Variants in NUPR2 observed in about 807,000 individuals in gnomAD.
The protein encoded by NUPR2 is nuclear protein 2, transcriptional regulator, also known as nuclear protein 2.
NUPR2 carries 14 observed loss-of-function variants against 7.3 expected under a neutral mutation model. The observed-to-expected ratio is 1.93, with a 90% CI of 1.27 to 3.01. The LOEUF (loss-of-function observed/expected upper bound fraction) is 3.01, where lower values mean the gene tolerates loss of function less well. NUPR2 is among the 30% of genes most tolerant of loss of function. The pLI is 0.00. For synonymous variants in NUPR2, 56 were observed against 59.7 expected (o/e 0.94, Z 0.29); for missense variants, 162 against 143.7 (o/e 1.13, Z -0.65).
chr7:56,115,405 A>ATATATATACATATGTG (rs1420989754), intron 1 of NUPR2, among the ~76,000 whole-genome samples: 1 of 35,198 alleles, frequency 2.8e-5, no homozygotes, highest in African/African-American at 1.8e-4. Flanking sequence ...ATATATATAT[A>ATATATATACATATGTG]TATATATATA....
In NUPR2 at chr7:56,116,145, G is replaced by C; in HGVS notation, c.170C>G (p.Ala57Gly). 6.5e-7 allele frequency: 1 copy of C among 1,546,552 alleles called. No individual in the cohort carries two copies. The highest frequency in any genetic ancestry group is 8.7e-7 in the Non-Finnish European group (1 of 1,145,136). ...RSKGRTRREQ[A>G]LRTNWPAPGG... The stretch of plus-strand genomic sequence containing the variant: ...AGGTGCAGGCCAGTTGGTGCGCAGC[G>C]CCTGCTCGCGCCGAGTCCGGCCCTT... The change falls in exon 1 of 2, where the codon GCG (alanine) becomes GGG (glycine). Residue 57 changes from alanine to glycine, a missense_variant. Coordinates refer to ENST00000329309, the MANE Select transcript of NUPR2 (RefSeq NM_001145712.2).
At chr7:56,115,293 A>G (rs186270051) in intron 1 of NUPR2, among the ~76,000 whole-genome samples, 3 of 135,024 alleles carry the variant, frequency 2.2e-5, no homozygotes, top group Non-Finnish European at 4.8e-5. Context: ...ACCTGCATCT[A>G]TTTTTTTTAG....
In NUPR2 at chr7:56,115,433, G is replaced by GTATATATATATATATA. The variant is rs1562891882; in HGVS notation, c.*7-537_*7-536insTATATATATATATATA. Among the ~76,000 whole-genome samples the GTATATATATATATATA allele has an allele frequency of 2.2e-3, 26 of 11,738 alleles. 3 individuals are homozygous for GTATATATATATATATA. Among genetic ancestry groups the GTATATATATATATATA allele is most frequent in the East Asian group, 0.014 (5 of 368 alleles). The allele number at this position is 11,738 out of a possible 152,430, so 7.7% of individuals were successfully genotyped here. Reference sequence around the variant, plus strand: ...TATATATATATATATATATATTTGTGTGTGTGTGTGTGTGTGTGTGTGTGT... The same window carrying GTATATATATATATATA: ...TATATATATATATATATATATTTGTGTATATATATATATATATGTGTGTGTGTGTGTGTGTGTGTGT... On this transcript the variant is annotated intron_variant, in intron 1 of 1. Coordinates refer to ENST00000329309, the MANE Select transcript of NUPR2 (RefSeq NM_001145712.2).
chr7:56,115,182 T>C (rs1664958070), intron 1 of NUPR2, among the ~76,000 whole-genome samples: 1 of 151,774 alleles, frequency 6.6e-6, no homozygotes, highest in Admixed American at 6.6e-5. Flanking sequence ...GTGATACGTC[T>C]GCCTGGGCCT....
rs57272607 is a variant in NUPR2 at position 56,115,625 on chromosome 7, T to TTATATATATA, written c.*6+380_*6+389dup. 2.0e-3 allele frequency among the ~76,000 whole-genome samples: 212 copies of TTATATATATA among 105,202 alleles called. 7 individuals are homozygous for TTATATATATA. The highest frequency in any genetic ancestry group is 0.013 in the South Asian group (46 of 3,458). 69.0% of individuals were successfully genotyped at this position (105,202 alleles called of 152,430 possible). On this transcript the variant is annotated intron_variant, in intron 1 of 1. Transcript: ENST00000329309. ...CGCGCACCACAGTGCCTGGCTAATT[T>TTATATATATA]TATATATATATATATATATATATTT...
In NUPR2 at chr7:56,116,372, G is replaced by A; in HGVS notation, c.-58C>T. On this transcript the variant is annotated 5_prime_UTR_variant, in exon 1 of 2. Transcript: ENST00000329309. ...TGCCCGCGTCTGGGCGCTCCTGGAA[G>A]ACCCAGCAGCCCCGCCTCGAGTTCC... 1 of 1,068,036 alleles carries A rather than the reference G, an allele frequency of 9.4e-7. No homozygotes were observed. Among genetic ancestry groups the A allele is most frequent in the Non-Finnish European group, 1.3e-6 (1 of 796,482 alleles). 66.2% of individuals were successfully genotyped at this position (1,068,036 alleles called of 1,614,324 possible).
At position 56,115,411 on chromosome 7, in the gene NUPR2, A is replaced by ACACATATG. The variant is rs71015192; in HGVS notation, c.*7-515_*7-514insCATATGTG. On this transcript the variant is annotated intron_variant, in intron 1 of 1. Transcript: ENST00000329309. The stretch of plus-strand genomic sequence containing the variant: ...CTCGATCGCATATATATATATATAT[A>ACACATATG]TATATATATATATATATTTGTGTGT... Among the ~76,000 whole-genome samples, 192 of 27,172 alleles carry ACACATATG rather than the reference A, an allele frequency of 7.1e-3. 4 individuals carry two copies. The highest frequency in any genetic ancestry group is 0.028 in the East Asian group (7 of 254). The allele number at this position is 27,172 out of a possible 152,430, so 17.8% of individuals were successfully genotyped here.
chr7:56,115,428 TTTGTGTGTGTGTG>T (rs1785529027), intron 1 of NUPR2, among the ~76,000 whole-genome samples: 1 of 45,932 alleles, frequency 2.2e-5, no homozygotes, highest in Non-Finnish European at 3.9e-5. Context: ...TATATATATA[TTTGTGTGTGTGTG>T]TGTGTGTGTG....
At chr7:56,115,775 T>A (rs1461902969) in intron 1 of NUPR2, among the ~76,000 whole-genome samples, 1 of 151,076 alleles carries the variant, frequency 6.6e-6, no homozygotes, top group Non-Finnish European at 1.5e-5. Flanking sequence ...CAGGCATCGA[T>A]CGCTTATATT....
rs542406369 is a variant in NUPR2 at position 56,114,748 on chromosome 7, A to C, written c.*156T>G. ...GGCTAATCCACTTGGGCACTACTTA[A>C]TTAACAATCAATTAGTAAGGAAAAG... On this transcript the variant is annotated 3_prime_UTR_variant, in exon 2 of 2. Coordinates refer to ENST00000329309, the MANE Select transcript of NUPR2 (RefSeq NM_001145712.2). The C allele has an allele frequency of 4.7e-5, 7 of 147,720 alleles. No individual in the cohort carries two copies. In the South Asian group the frequency reaches 1.0e-3, roughly 22 times the overall value. The allele number at this position is 147,720 out of a possible 1,614,324, so 9.2% of individuals were successfully genotyped here.
Position 56,116,027 on chromosome 7 carries a change from G to T in NUPR2, c.288C>A (p.Leu96=). Residue 96 remains leucine (L), a synonymous_variant, in exon 1 of 2, where the codon CTC becomes CTA. Coordinates refer to ENST00000329309, the MANE Select transcript of NUPR2 (RefSeq NM_001145712.2). ...RQLHPKMRTR[L]T is the part of the protein sequence containing the mutation. ...TGGGCGCACGTACCCAGGCTCAGGT[G>T]AGGCGAGTGCGCATCTTGGGATGCA... 6.8e-7 allele frequency: 1 copy of T among 1,478,750 alleles called. No homozygotes were observed. Among genetic ancestry groups the T allele is most frequent in the Non-Finnish European group, 9.0e-7 (1 of 1,117,104 alleles). 91.6% of individuals were successfully genotyped at this position (1,478,750 alleles called of 1,614,324 possible). A position where few individuals can be genotyped will look rare whatever the true frequency, so the allele number is the denominator to read the frequency against.
In NUPR2 at chr7:56,115,417, A is replaced by ACATATGTATATATATACATATATATG. The variant is rs1562891787; in HGVS notation, c.*7-521_*7-520insCATATATATGTATATATATACATATG. Among the ~76,000 whole-genome samples, 38 of 21,362 alleles carry ACATATGTATATATATACATATATATG rather than the reference A, an allele frequency of 1.8e-3. 3 individuals are homozygous for ACATATGTATATATATACATATATATG. Among genetic ancestry groups the ACATATGTATATATATACATATATATG allele is most frequent in the Middle Eastern group, 0.045 (2 of 44 alleles). The allele number at this position is 21,362 out of a possible 152,430, so 14.0% of individuals were successfully genotyped here. On this transcript the variant is annotated intron_variant, in intron 1 of 1. Transcript: ENST00000329309. The stretch of plus-strand genomic sequence containing the variant: ...CGCATATATATATATATATATATAT[A>ACATATGTATATATATACATATATATG]TATATATATATTTGTGTGTGTGTGT...
rs1785554150 is a variant in NUPR2, at chr7:56,116,331, GCCA to G, written c.-20_-18del. 1 of 1,327,014 alleles carries G rather than the reference GCCA, an allele frequency of 7.5e-7. No homozygotes were observed. Among genetic ancestry groups the G allele is most frequent in the African/African-American group, 1.6e-5 (1 of 64,324 alleles). 82.2% of individuals were successfully genotyped at this position (1,327,014 alleles called of 1,614,324 possible). Reference sequence around the variant, plus strand: ...CGCTTCCATCCTGCCCAGGCCTGTGGCCACCGGCGGCCACCTGCCCGCGTCTGG... The same window carrying G: ...CGCTTCCATCCTGCCCAGGCCTGTGGCCGGCGGCCACCTGCCCGCGTCTGG... On this transcript the variant is annotated 5_prime_UTR_variant, in exon 1 of 2. Coordinates refer to ENST00000329309, the MANE Select transcript of NUPR2 (RefSeq NM_001145712.2).
Position 56,115,427 on chromosome 7 carries a change from A to T in NUPR2, c.*7-530T>A, listed in dbSNP as rs1227517939. Among the ~76,000 whole-genome samples, 270 of 42,662 alleles carry T rather than the reference A, an allele frequency of 6.3e-3. 28 individuals carry two copies. Among genetic ancestry groups the T allele is most frequent in the Non-Finnish European group, 0.01 (238 of 23,694 alleles). The allele number at this position is 42,662 out of a possible 152,430, so 28.0% of individuals were successfully genotyped here. On this transcript the variant is annotated intron_variant, in intron 1 of 1. Transcript: ENST00000329309. ...TATATATATATATATATATATATAT[A>T]TTTGTGTGTGTGTGTGTGTGTGTGT...
chr7:56,115,289 A>G lies in NUPR2; in HGVS notation c.*7-392T>C, dbSNP rs564591164. ...CGCCGGAAGAAAAGCTCCTACCTGC[A>G]TCTATTTTTTTTAGACACAGGGTCT... On this transcript the variant is annotated intron_variant, in intron 1 of 1. Transcript: ENST00000329309. Among the ~76,000 whole-genome samples the G allele has an allele frequency of 2.1e-5, 3 of 144,390 alleles. 1 individual carries two copies. The highest frequency in any genetic ancestry group is 7.8e-5 in the African/African-American group (3 of 38,390). 94.7% of individuals were successfully genotyped at this position (144,390 alleles called of 152,430 possible).
chr7:56,115,059 G>A (rs940390683), intron 1 of NUPR2, among the ~76,000 whole-genome samples, 162 bp from the exon 2 acceptor site: 1 of 151,730 alleles, frequency 6.6e-6, no homozygotes, highest in African/African-American at 2.4e-5. Flanking sequence ...CCTTAGCCAC[G>A]CAAGTAGCGG....
At chr7:56,115,430 T>TATATATAC (rs1562891869) in intron 1 of NUPR2, among the ~76,000 whole-genome samples, 199 of 18,216 alleles carry the variant, frequency 0.011, 12 homozygotes, top group African/African-American at 0.025. Flanking sequence ...TATATATATT[T>TATATATAC]GTGTGTGTGT....
chr7:56,115,898 C>G, intron 1 of NUPR2, 117 bp downstream of exon 1: 1 of 919,028 alleles, frequency 1.1e-6, no homozygotes, highest in Non-Finnish European at 1.5e-6. Flanking sequence ...GTGCGGTTCC[C>G]TAATACGGTT....
In NUPR2 at chr7:56,116,358, G is replaced by A. The variant is rs2115622946; in HGVS notation, c.-44C>T. On this transcript the variant is annotated 5_prime_UTR_variant, in exon 1 of 2. Coordinates refer to ENST00000329309, the MANE Select transcript of NUPR2 (RefSeq NM_001145712.2). ...CACCGGCGGCCACCTGCCCGCGTCT[G>A]GGCGCTCCTGGAAGACCCAGCAGCC... 4 of 1,223,032 alleles carry A rather than the reference G, an allele frequency of 3.3e-6. No individual in the cohort carries two copies. Among genetic ancestry groups the A allele is most frequent in the Non-Finnish European group, 4.3e-6 (4 of 938,894 alleles). 75.8% of individuals were successfully genotyped at this position (1,223,032 alleles called of 1,614,324 possible).
Sources: gnomAD v4.1 joint callset for allele counts (sites outside exome capture counted in the v4.1 genomes callset) on GRCh38, gnomAD v4.1.1 for gene constraint, MANE v1.5 for transcripts, NCBI Gene and HGNC (gene_info 2026-07-23, HGNC 2026-07-21) for gene names.